DLG2: variants seen among roughly 807,000 people sequenced by gnomAD.
DLG2 encodes discs large MAGUK scaffold protein 2.
In DLG2, 45 loss-of-function variants were observed where a neutral mutation model predicts 132.5. The observed-to-expected ratio is 0.34, with a 90% CI of 0.27 to 0.44. The LOEUF (loss-of-function observed/expected upper bound fraction) is 0.44. Ranked by LOEUF, DLG2 falls within the 20% of genes least tolerant of loss-of-function variation. DLG2 has a pLI of 1.00. For missense variants in DLG2, 1,045 were observed against 1,196.9 expected, an observed-to-expected ratio of 0.87 and a Z score of 1.87; for synonymous variants, 424 against 419.6, an observed-to-expected ratio of 1.01 and a Z score of -0.13.
intron 10 of DLG2, among the ~76,000 whole-genome samples, chr11:84,092,574 C>A (rs1241711058): frequency 6.6e-6 from 1 of 152,096 alleles, no homozygotes; most frequent in Admixed American, 6.5e-5. Flanking sequence ...GGAGAAAGAA[C>A]AACTAAGACT....
intron 6 of DLG2, among the ~76,000 whole-genome samples, chr11:84,927,489 G>A (rs1437251287): frequency 6.6e-6 from 1 of 151,960 alleles, no homozygotes; most frequent in Admixed American, 6.6e-5. Flanking sequence ...CTAGGATTGA[G>A]AATTACTGCC....
chr11:85,591,196 A>G (rs1007335149), intron 3 of DLG2, among the ~76,000 whole-genome samples: 1 of 152,222 alleles, frequency 6.6e-6, no homozygotes, highest in African/African-American at 2.4e-5. Context: ...CACACTCAGT[A>G]TATGGCCGTT....
At chr11:85,272,802 A>G (rs34986882) in intron 4 of DLG2, among the ~76,000 whole-genome samples, 39 of 152,266 alleles carry the variant, frequency 2.6e-4, no homozygotes, top group African/African-American at 9.1e-4. Context: ...CCAAGACAAT[A>G]CTAAGCAAAA....
intron 3 of DLG2, among the ~76,000 whole-genome samples, chr11:85,501,872 G>T (rs2093812312): frequency 6.6e-6 from 1 of 152,072 alleles, no homozygotes. Context: ...ATTCTGTAAG[G>T]ATCTAGAACT....
intron 7 of DLG2, among the ~76,000 whole-genome samples, chr11:84,472,392 T>C (rs655484): frequency 0.98 from 148,183 of 151,954 alleles, 72,651 homozygotes; most frequent in Middle Eastern, 1. Flanking sequence ...ATTAAAATGT[T>C]TTCAGAAATA....
chr11:85,607,187 A>C lies in DLG2; in HGVS notation c.-92-8399T>G, dbSNP rs114394219. 9.9e-3 allele frequency among the ~76,000 whole-genome samples: 1,502 copies of C among 152,310 alleles called. 18 individuals carry two copies. Among genetic ancestry groups the C allele is most frequent in the African/African-American group, 0.034 (1,394 of 41,568 alleles). On this transcript the variant is annotated intron_variant, in intron 2 of 27. Coordinates refer to ENST00000376104, the MANE Select transcript of DLG2 (RefSeq NM_001142699.3). Reference sequence around the variant, plus strand: ...TACCAGACACCTATTGGCCAGTTAAAAGTGACTAGCACAGCCGCCGGACTA... The same window carrying C: ...TACCAGACACCTATTGGCCAGTTAACAGTGACTAGCACAGCCGCCGGACTA...
At chr11:85,317,347 T>G (rs1343761294) in intron 3 of DLG2, among the ~76,000 whole-genome samples, 2 of 151,838 alleles carry the variant, frequency 1.3e-5, no homozygotes, top group Admixed American at 1.3e-4. Flanking sequence ...TGCCAACTTC[T>G]CCAGCTACAA....
At chr11:84,629,413 G>A (rs1000414185) in intron 6 of DLG2, among the ~76,000 whole-genome samples, 3 of 152,148 alleles carry the variant, frequency 2.0e-5, no homozygotes, top group Admixed American at 2.0e-4. Context: ...TGGAAATGCT[G>A]GGGAGCTGTC....
chr11:84,868,129 A>C (rs1304211694), intron 6 of DLG2, among the ~76,000 whole-genome samples: 1 of 147,756 alleles, frequency 6.8e-6, no homozygotes, highest in Non-Finnish European at 1.5e-5. Context: ...AATTATATTT[A>C]TTAATATTTT....
chr11:84,734,067 A>T (rs1180243961), intron 6 of DLG2, among the ~76,000 whole-genome samples: 1 of 152,202 alleles, frequency 6.6e-6, no homozygotes, highest in East Asian at 1.9e-4. Context: ...GAAGTCAGGT[A>T]GCATGATGCC....
chr11:85,534,203 C>T (rs879692262), intron 3 of DLG2, among the ~76,000 whole-genome samples: 1 of 152,076 alleles, frequency 6.6e-6, no homozygotes, highest in African/African-American at 2.4e-5. Flanking sequence ...CCCACCTCAG[C>T]CTCCCAAAGT....
chr11:84,747,868 A>G (rs1247507882), intron 6 of DLG2, among the ~76,000 whole-genome samples: 1 of 152,188 alleles, frequency 6.6e-6, no homozygotes, highest in African/African-American at 2.4e-5. Flanking sequence ...CTTGACAACA[A>G]AACAGAATAG....
chr11:83,462,670 A>G (rs1019154812), intron 26 of DLG2, among the ~76,000 whole-genome samples: 3 of 152,228 alleles, frequency 2.0e-5, no homozygotes, highest in African/African-American at 4.8e-5. Flanking sequence ...GGAATATTTC[A>G]AAATAGCTAG....
intron 7 of DLG2, among the ~76,000 whole-genome samples, chr11:84,303,855 A>C (rs1241745127): frequency 6.6e-6 from 1 of 152,196 alleles, no homozygotes; most frequent in Non-Finnish European, 1.5e-5. Flanking sequence ...TGATCTTAAG[A>C]CACCTGCATA....
chr11:83,953,026 G>T (rs2085867616), intron 14 of DLG2, among the ~76,000 whole-genome samples: 1 of 152,076 alleles, frequency 6.6e-6, no homozygotes, highest in African/African-American at 2.4e-5. Context: ...GTATTTTCAA[G>T]ATGTGTTTTT....
chr11:84,346,176 A>C (rs546818197), intron 7 of DLG2, among the ~76,000 whole-genome samples: 29 of 152,342 alleles, frequency 1.9e-4, no homozygotes, highest in Non-Finnish European at 3.4e-4. Context: ...CTCTCAGTTA[A>C]GTCATATAGT....
At chr11:85,341,719 T>A (rs1356375182) in intron 3 of DLG2, among the ~76,000 whole-genome samples, 1 of 152,198 alleles carries the variant, frequency 6.6e-6, no homozygotes, top group East Asian at 1.9e-4. Context: ...GGATACATTC[T>A]GAGAAATGTG....
chr11:85,536,595 C>T (rs1242552613), intron 3 of DLG2, among the ~76,000 whole-genome samples: 3 of 152,218 alleles, frequency 2.0e-5, no homozygotes, highest in Non-Finnish European at 2.9e-5. Flanking sequence ...GGAGCCGGCT[C>T]CCTCTGCTCA....
At chr11:83,702,141 T>A (rs907019719) in intron 18 of DLG2, among the ~76,000 whole-genome samples, 1 of 152,174 alleles carries the variant, frequency 6.6e-6, no homozygotes, top group Non-Finnish European at 1.5e-5. Context: ...CTCAGCAAAT[T>A]CCCCTTAACT....
Sources: gnomAD v4.1 joint callset for allele counts (sites outside exome capture counted in the v4.1 genomes callset) on GRCh38, gnomAD v4.1.1 for gene constraint, MANE v1.5 for transcripts, NCBI Gene and HGNC (gene_info 2026-07-23, HGNC 2026-07-21) for gene names.